CAMK2D: variants seen among roughly 807,000 people sequenced by gnomAD.
The protein encoded by CAMK2D is calcium/calmodulin dependent protein kinase II delta.
CAMK2D carries 37 observed loss-of-function variants against 84.0 expected under a neutral mutation model. That is an observed-to-expected ratio of 0.44 (90% CI 0.34 to 0.58). The LOEUF (loss-of-function observed/expected upper bound fraction) is 0.58, where lower values mean the gene tolerates loss of function less well. CAMK2D is among the 20% of genes least tolerant of loss of function. The pLI is 0.02. For missense variants in CAMK2D, 448 were observed against 652.5 expected, an observed-to-expected ratio of 0.69 and a Z score of 3.41; for synonymous variants, 202 against 212.5, an observed-to-expected ratio of 0.95 and a Z score of 0.43.
At chr4:113,496,205 C>T (rs2097927149) in intron 16 of CAMK2D, among the ~76,000 whole-genome samples, 1 of 152,138 alleles carries the variant, frequency 6.6e-6, no homozygotes, top group Non-Finnish European at 1.5e-5. Flanking sequence ...CTGTTAACTG[C>T]TAATTAAGAG....
intron 4 of CAMK2D, among the ~76,000 whole-genome samples, chr4:113,587,932 T>A (rs899123518): frequency 6.6e-6 from 1 of 152,016 alleles, no homozygotes; most frequent in African/African-American, 2.4e-5. Context: ...TCCAGATCAG[T>A]AGGTTTCTTT....
chr4:113,562,452 T>G (rs1281517934), intron 4 of CAMK2D, among the ~76,000 whole-genome samples: 1 of 152,244 alleles, frequency 6.6e-6, no homozygotes, highest in Non-Finnish European at 1.5e-5. Flanking sequence ...ATTCATGTAT[T>G]TGTGTGTTAC....
chr4:113,479,092 A>AT (rs569377476), intron 16 of CAMK2D, among the ~76,000 whole-genome samples: 132 of 152,328 alleles, frequency 8.7e-4, no homozygotes, highest in South Asian at 2.3e-3. Context: ...GGTCTTTCAC[A>AT]TTTAATCTGT....
chr4:113,524,736 T>C (rs1353278634), intron 8 of CAMK2D, among the ~76,000 whole-genome samples: 1 of 152,002 alleles, frequency 6.6e-6, no homozygotes, highest in Non-Finnish European at 1.5e-5. Context: ...GGGTGCACTT[T>C]AGGTCACTCT....
intron 4 of CAMK2D, among the ~76,000 whole-genome samples, chr4:113,555,943 A>G (rs563678321): frequency 8.0e-4 from 122 of 152,116 alleles, no homozygotes; most frequent in Non-Finnish European, 1.5e-3. Context: ...GTGTAGAGAT[A>G]TAAGAAAAAG....
At chr4:113,520,537 A>G (rs1374887623) in intron 8 of CAMK2D, among the ~76,000 whole-genome samples, 1 of 145,686 alleles carries the variant, frequency 6.9e-6, no homozygotes, top group East Asian at 1.9e-4. Flanking sequence ...TATGTCAGAG[A>G]AAAAAGAAAG....
chr4:113,468,808 C>T (rs2097510150), intron 16 of CAMK2D, among the ~76,000 whole-genome samples: 1 of 152,156 alleles, frequency 6.6e-6, no homozygotes, highest in Admixed American at 6.5e-5. Flanking sequence ...ACGATGAATG[C>T]AGAATGTACC....
rs561557430 is a variant in CAMK2D at position 113,526,468 on chromosome 4, G to A, written c.601+4748C>T. Among the ~76,000 whole-genome samples, 33 of 149,868 alleles carry A rather than the reference G, an allele frequency of 2.2e-4. No homozygotes were observed. The East Asian group carries it at 3.6e-3, about 16-fold the overall frequency. On this transcript the variant is annotated intron_variant, in intron 8 of 20. Transcript: ENST00000511664. The stretch of plus-strand genomic sequence containing the variant: ...TGCATGCATGTATGCACATGTGTAC[G>A]TAGTATCTATCTAATATTTGCTTAA...
intron 2 of CAMK2D, among the ~76,000 whole-genome samples, chr4:113,704,013 G>A (rs1593279780): frequency 7.8e-6 from 1 of 128,248 alleles, no homozygotes; most frequent in Non-Finnish European, 1.6e-5. Flanking sequence ...CTTTTTGCTT[G>A]TTTTTGTACA....
At chr4:113,583,475 T>C (rs931126018) in intron 4 of CAMK2D, among the ~76,000 whole-genome samples, 1 of 152,210 alleles carries the variant, frequency 6.6e-6, no homozygotes, top group Admixed American at 6.5e-5. Flanking sequence ...AGCAGCCTTA[T>C]GAGTTGCAAC....
At chr4:113,461,159 T>C (rs2097368638) in intron 17 of CAMK2D, among the ~76,000 whole-genome samples, 1 of 152,236 alleles carries the variant, frequency 6.6e-6, no homozygotes, top group Non-Finnish European at 1.5e-5. Context: ...CAACAGAAGG[T>C]TCAAATGCTC....
intron 4 of CAMK2D, among the ~76,000 whole-genome samples, chr4:113,580,395 GCA>G (rs1196145409): frequency 1.3e-5 from 2 of 152,104 alleles, no homozygotes; most frequent in African/African-American, 4.8e-5. Context: ...TTTAAATATA[GCA>G]CAATGATAAT....
intron 2 of CAMK2D, among the ~76,000 whole-genome samples, chr4:113,681,307 T>A (rs969217841): frequency 1.3e-5 from 2 of 152,232 alleles, no homozygotes; most frequent in East Asian, 3.9e-4. Context: ...TGGGGGTGGT[T>A]ACCCCCATGA....
In CAMK2D at chr4:113,745,146, G is replaced by A. The variant is rs114504190; in HGVS notation, c.160+14174C>T. Among the ~76,000 whole-genome samples, 459 of 152,204 alleles carry A rather than the reference G, an allele frequency of 3.0e-3. 1 individual carries two copies. The highest frequency in any genetic ancestry group is 6.8e-3 in the Middle Eastern group (2 of 294). Reference sequence around the variant, plus strand: ...AGAGGCTCTCTTTAATGTGTCTCTGGTATACTTAAGAGCAAATTTGCAATT... The same window carrying A: ...AGAGGCTCTCTTTAATGTGTCTCTGATATACTTAAGAGCAAATTTGCAATT... On this transcript the variant is annotated intron_variant, in intron 2 of 20. Transcript: ENST00000511664.
At chr4:113,503,997 C>CT (rs1286754469) in intron 14 of CAMK2D, among the ~76,000 whole-genome samples, 2 of 152,144 alleles carry the variant, frequency 1.3e-5, no homozygotes, top group African/African-American at 4.8e-5. Flanking sequence ...CTCCCTTTCC[C>CT]TTGGCTACAG....
rs775198013 is a variant in CAMK2D at position 113,761,077 on chromosome 4, C to T, written c.-9G>A. 3 of 1,614,078 alleles carry T rather than the reference C, an allele frequency of 1.9e-6. No homozygotes were observed. Among genetic ancestry groups the T allele is most frequent in the Non-Finnish European group, 2.5e-6 (3 of 1,180,018 alleles). On this transcript the variant is annotated 5_prime_UTR_variant, in exon 1 of 21. Coordinates refer to ENST00000511664, the MANE Select transcript of CAMK2D (RefSeq NM_001321571.2). ...GTTGTGGTCGAAGCCATCCTCGGTC[C>T]GGGCTGTGCCCTGGCTGGGAGCGCG...
chr4:113,585,732 T>C (rs1370560722), intron 4 of CAMK2D, among the ~76,000 whole-genome samples: 2 of 70,760 alleles, frequency 2.8e-5, no homozygotes, highest in Non-Finnish European at 6.5e-5. Flanking sequence ...GTATAGATAG[T>C]ATATAGTACA....
At chr4:113,619,441 T>G (rs184090112) in intron 3 of CAMK2D, among the ~76,000 whole-genome samples, 1 of 152,230 alleles carries the variant, frequency 6.6e-6, no homozygotes, top group Admixed American at 6.5e-5. Context: ...TGTCTCTGAG[T>G]AAGAGCCCAA....
chr4:113,555,668 C>T (rs1031018132), intron 4 of CAMK2D, among the ~76,000 whole-genome samples: 1 of 152,082 alleles, frequency 6.6e-6, no homozygotes, highest in South Asian at 2.1e-4. Flanking sequence ...CAGATTCATC[C>T]GCGTCACCTG....
Sources: allele counts gnomAD v4.1 joint callset (sites outside exome capture counted in the v4.1 genomes callset), GRCh38; gene constraint gnomAD v4.1.1; transcripts MANE v1.5; gene names NCBI Gene and HGNC (gene_info 2026-07-23, HGNC 2026-07-21).